The following TAF3 variants were observed in gnomAD, a reference collection of about 807,000 sequenced individuals.
TAF3 encodes the protein TATA-box binding protein associated factor 3.
In TAF3, 7 loss-of-function variants were observed where a neutral mutation model predicts 80.6. The ratio of observed to expected loss-of-function variants is 0.09; its 90% CI spans 0.05 to 0.16. The LOEUF is 0.16. TAF3 is among the 10% of genes least tolerant of loss of function. The probability of loss-of-function intolerance (pLI) is 1.00; values close to 1 mark genes in which losing one functional copy is unlikely to be tolerated. For missense variants in TAF3, 921 were observed against 1,140.2 expected (o/e 0.81, Z 2.77); for synonymous variants, 444 against 446.1 (o/e 1.00, Z 0.06).
At chr10:7,959,610 C>T (rs1475315561) in intron 2 of TAF3, among the ~76,000 whole-genome samples, 2 of 152,038 alleles carry the variant, frequency 1.3e-5, no homozygotes, top group Non-Finnish European at 1.5e-5. Context: ...CACAAACAAC[C>T]ATCATTAATT....
intron 2 of TAF3, among the ~76,000 whole-genome samples, chr10:7,863,768 T>TATATATATACACAC (rs1837180949): frequency 7.2e-6 from 1 of 138,478 alleles, no homozygotes; most frequent in African/African-American, 2.6e-5. Context: ...TATACACACA[T>TATATATATACACAC]GGCACATGTC....
chr10:7,922,753 A>G (rs1837776577), intron 2 of TAF3, among the ~76,000 whole-genome samples: 1 of 152,078 alleles, frequency 6.6e-6, no homozygotes, highest in South Asian at 2.1e-4. Flanking sequence ...AACGTATAAA[A>G]GGTATTCTGT....
intron 4 of TAF3, among the ~76,000 whole-genome samples, chr10:7,989,064 G>T (rs1052720109): frequency 1.3e-5 from 2 of 152,074 alleles, no homozygotes; most frequent in East Asian, 3.9e-4. Context: ...AGTGGTGGCA[G>T]GGCTGGTCTA....
chr10:7,931,610 G>A (rs545733478), intron 2 of TAF3, among the ~76,000 whole-genome samples: 1 of 152,100 alleles, frequency 6.6e-6, no homozygotes, highest in Non-Finnish European at 1.5e-5. Context: ...CAAGAAAATG[G>A]TAATTATACC....
chr10:7,881,612 A>T (rs1423135235), intron 2 of TAF3, among the ~76,000 whole-genome samples: 6 of 152,182 alleles, frequency 3.9e-5, no homozygotes, highest in Non-Finnish European at 8.8e-5. Context: ...AAAGAGCAAG[A>T]CACCTTCTAT....
chr10:7,965,770 T>A (rs1175025104), intron 3 of TAF3, 28 bp downstream of exon 3: 2 of 1,509,102 alleles, frequency 1.3e-6, no homozygotes, highest in African/African-American at 2.8e-5. Context: ...TTTGGCCCTA[T>A]CTGAACAGAG....
chr10:7,977,584 A>G (rs1386397461), intron 4 of TAF3, among the ~76,000 whole-genome samples: 7 of 151,894 alleles, frequency 4.6e-5, no homozygotes, highest in Admixed American at 1.3e-4. Flanking sequence ...TTATTTCTGC[A>G]TAGTCTTTAA....
chr10:7,833,944 C>A (rs1836825892), intron 2 of TAF3: 1 of 373,838 alleles, frequency 2.7e-6, no homozygotes, highest in Non-Finnish European at 4.5e-6. Flanking sequence ...CTTGCCATTC[C>A]CGCTGGGCAC....
intron 2 of TAF3, among the ~76,000 whole-genome samples, chr10:7,910,274 T>G (rs753108099): frequency 2.6e-5 from 4 of 152,218 alleles, no homozygotes; most frequent in Non-Finnish European, 5.9e-5. Context: ...AAGTGTCTAA[T>G]AAAGATGTAT....
intron 3 of TAF3, among the ~76,000 whole-genome samples, chr10:7,975,998 C>T (rs567464518): frequency 6.6e-6 from 1 of 152,214 alleles, no homozygotes; most frequent in South Asian, 2.1e-4. Flanking sequence ...ACAGCCCCAC[C>T]GAAAGACTTG....
intron 2 of TAF3, among the ~76,000 whole-genome samples, chr10:7,941,850 A>G (rs1467966935): frequency 6.6e-6 from 1 of 152,150 alleles, no homozygotes; most frequent in East Asian, 1.9e-4. Context: ...GAGGGGAGAG[A>G]CATCCTTGTG....
At chr10:8,014,514 G>T in intron 6 of TAF3, 123 bp from the exon 7 acceptor site, 1 of 771,662 alleles carries the variant, frequency 1.3e-6, no homozygotes, top group Non-Finnish European at 2.1e-6. Flanking sequence ...ACAAGTTAGT[G>T]CTGCTTGACT....
chr10:7,964,220 C>G lies in TAF3; in HGVS notation c.710C>G (p.Thr237Arg), dbSNP rs369301559. The G allele has an allele frequency of 3.0e-5, 48 of 1,614,102 alleles. No homozygotes were observed. Among genetic ancestry groups the G allele is most frequent in the Admixed American group, 1.3e-4 (8 of 60,006 alleles). The change falls in exon 3 of 7, where the codon ACA (threonine) becomes AGA (arginine). Residue 237 changes from threonine (T) to arginine (R), a missense_variant. Around this residue, in one of 6 missense-constraint regions of TAF3, gnomAD observed 743 missense variants for 821.0 expected, o/e 0.90. Transcript: ENST00000344293. This position sits in a 1 kb window ranked among gnomAD's most constrained non-coding sequence, Gnocchi z 4.1. The stretch of plus-strand genomic sequence containing the variant: ...TCTCCAGTCCATGTACAGGACAGTA[C>G]AGACTTGGCACCTCCCTCACCCGAG... ...MLSPVHVQDS[T>R]DLAPPSPEPP... is the part of the protein sequence containing the mutation.
intron 2 of TAF3, among the ~76,000 whole-genome samples, chr10:7,872,213 ATTTTTTTT>A (rs34945620): frequency 1.6e-5 from 2 of 121,972 alleles, no homozygotes; most frequent in East Asian, 2.4e-4. Context: ...TGTTGGGTTG[ATTTTTTTT>A]TTTTTTTTTT....
chr10:7,860,965 A>C (rs1189819225), intron 2 of TAF3, among the ~76,000 whole-genome samples: 1 of 143,662 alleles, frequency 7.0e-6, no homozygotes, highest in Non-Finnish European at 1.5e-5. Flanking sequence ...TGCCCAGCTA[A>C]TTTTTTTTTT....
Position 7,943,524 on chromosome 10 carries a change from T to C in TAF3, c.410-20396T>C, listed in dbSNP as rs183092606. ...ACCATGCTTCATTGTCCTTGCCAGT[T>C]CTGTTCTAGCTGCCAGGAGTGCCTG... On this transcript the variant is annotated intron_variant, in intron 2 of 6. Coordinates refer to ENST00000344293, the MANE Select transcript of TAF3 (RefSeq NM_031923.4). Among the ~76,000 whole-genome samples the C allele has an allele frequency of 4.6e-5, 7 of 152,292 alleles. No homozygotes were observed. The East Asian group carries it at 1.4e-3, about 29-fold the overall frequency.
chr10:7,942,589 G>A (rs1013922416), intron 2 of TAF3, among the ~76,000 whole-genome samples: 5 of 152,122 alleles, frequency 3.3e-5, no homozygotes, highest in Non-Finnish European at 7.3e-5. Context: ...GAATCCAAGC[G>A]AGTCCTAGGA....
chr10:7,946,197 A>G (rs1838022521), intron 2 of TAF3, among the ~76,000 whole-genome samples: 1 of 151,900 alleles, frequency 6.6e-6, no homozygotes, highest in Non-Finnish European at 1.5e-5. Flanking sequence ...TAAAATTCAC[A>G]CTCTTTCCCA....
chr10:7,897,752 T>C (rs1564359110), intron 2 of TAF3, among the ~76,000 whole-genome samples: 1 of 151,722 alleles, frequency 6.6e-6, no homozygotes, highest in East Asian at 1.9e-4. Context: ...CTCAAACTCC[T>C]GGGCTCAAGC....
Sources: gnomAD v4.1 joint callset for allele counts (sites outside exome capture counted in the v4.1 genomes callset) on GRCh38, gnomAD v4.1.1 for gene constraint, gnomAD v4.1.1 regional missense constraint, Gnocchi (gnomAD v3.1) non-coding constraint, MANE v1.5 for transcripts, NCBI Gene and HGNC (gene_info 2026-07-23, HGNC 2026-07-21) for gene names.